Variants in ZBTB44 observed in about 807,000 individuals in gnomAD.
ZBTB44 encodes the protein zinc finger and BTB domain-containing protein 44.
A neutral mutation model predicts 54.0 loss-of-function variants in ZBTB44; 15 were observed. The observed-to-expected ratio is 0.28, with a 90% CI of 0.19 to 0.43. ZBTB44 has a LOEUF of 0.43. ZBTB44 is among the 20% of genes least tolerant of loss of function. ZBTB44 has a pLI of 1.00. For missense variants in ZBTB44, 487 were observed against 707.1 expected (o/e 0.69, Z 3.53); for synonymous variants, 230 against 250.1 (o/e 0.92, Z 0.76).
At chr11:130,303,534 C>A (rs1942094796) in intron 1 of ZBTB44, among the ~76,000 whole-genome samples, 1 of 152,128 alleles carries the variant, frequency 6.6e-6, no homozygotes, top group African/African-American at 2.4e-5. Context: ...ACTCGGGAGG[C>A]TGAGGCAGGA....
At chr11:130,288,293 G>C (rs1481311340) in intron 1 of ZBTB44, among the ~76,000 whole-genome samples, 1 of 151,964 alleles carries the variant, frequency 6.6e-6, no homozygotes, top group Non-Finnish European at 1.5e-5. Flanking sequence ...AGAATCACTT[G>C]AACCCAGGAG....
intron 1 of ZBTB44, among the ~76,000 whole-genome samples, chr11:130,281,901 G>A (rs961330946): frequency 1.1e-4 from 16 of 152,122 alleles, no homozygotes; most frequent in East Asian, 5.8e-4. Flanking sequence ...CACCGCGCCC[G>A]GCCTATTGTT....
At chr11:130,284,729 G>A (rs1330682031) in intron 1 of ZBTB44, among the ~76,000 whole-genome samples, 1 of 152,148 alleles carries the variant, frequency 6.6e-6, no homozygotes, top group Non-Finnish European at 1.5e-5. Flanking sequence ...TAGCCGACGT[G>A]GTGGCACGTG....
At chr11:130,296,964 T>A in intron 1 of ZBTB44, 1 of 747,498 alleles carries the variant, frequency 1.3e-6, no homozygotes, top group Non-Finnish European at 2.5e-6. Context: ...TGGTGGTGGA[T>A]TTGACTACCA....
rs746548553 is a variant in ZBTB44 at position 130,260,841 on chromosome 11, C to G, written c.1018+15G>C. 6 of 1,573,356 alleles carry G rather than the reference C, an allele frequency of 3.8e-6. No individual in the cohort carries two copies. Among genetic ancestry groups the G allele is most frequent in the South Asian group, 1.2e-5 (1 of 84,948 alleles). ...TGACTTTATAGCACCAAGAAAAACA[C>G]AGAAGGCATTATACCTATAGAGGAA... is the stretch of plus-strand genomic sequence containing the variant. On this transcript the variant is annotated intron_variant, in intron 2 of 7. Transcript: ENST00000357899.
In ZBTB44 at chr11:130,314,641, G is replaced by A. The variant is rs1942841748; in HGVS notation, c.-323C>T. ...GGAGGCGGGGAGGGAAGCACCCCCAGCGCTCGGAGGGGCCAGAGGGGAGGA... is the reference window on the plus strand; with the variant it reads ...GGAGGCGGGGAGGGAAGCACCCCCAACGCTCGGAGGGGCCAGAGGGGAGGA... On this transcript the variant is annotated 5_prime_UTR_variant, in exon 1 of 8. Transcript: ENST00000357899. 1 of 151,836 alleles carries A rather than the reference G, an allele frequency of 6.6e-6. No homozygotes were observed. Among genetic ancestry groups the A allele is most frequent in the African/African-American group, 2.4e-5 (1 of 41,310 alleles). 9.4% of individuals were successfully genotyped at this position (151,836 alleles called of 1,614,324 possible).
chr11:130,296,457 TTCTGCAACACAGA>T, intron 1 of ZBTB44: 3 of 1,192,578 alleles, frequency 2.5e-6, no homozygotes, highest in Non-Finnish European at 3.6e-6. Context: ...ATTCTTCCAG[TTCTGCAACACAGA>T]TTTGGGAACA....
intron 1 of ZBTB44, among the ~76,000 whole-genome samples, chr11:130,281,564 T>TA (rs1414195679): frequency 4.0e-5 from 6 of 150,522 alleles, no homozygotes; most frequent in Non-Finnish European, 7.4e-5. Context: ...AATAAATAAA[T>TA]ATTTTAAAAA....
intron 1 of ZBTB44, among the ~76,000 whole-genome samples, chr11:130,281,561 AAAT>A (rs1407588537): frequency 1.3e-5 from 2 of 149,918 alleles, no homozygotes; most frequent in Admixed American, 6.6e-5. Flanking sequence ...ATAAATAAAT[AAAT>A]ATTTTAAAAA....
At chr11:130,253,021 T>G (rs918419752) in intron 2 of ZBTB44, among the ~76,000 whole-genome samples, 1 of 152,194 alleles carries the variant, frequency 6.6e-6, no homozygotes, top group African/African-American at 2.4e-5. Flanking sequence ...CAGCCCTTCA[T>G]GCTAAAAACT....
Position 130,252,651 on chromosome 11 carries a change from G to A in ZBTB44, c.1018+8205C>T, listed in dbSNP as rs1364324002. Among the ~76,000 whole-genome samples, 5 of 152,166 alleles carry A rather than the reference G, an allele frequency of 3.3e-5. 1 individual carries two copies. The highest frequency in any genetic ancestry group is 3.3e-4 in the Admixed American group (5 of 15,270). On this transcript the variant is annotated intron_variant, in intron 2 of 7. Coordinates refer to ENST00000357899, the MANE Select transcript of ZBTB44 (RefSeq NM_001301098.2). ...TCTATCAGAGGTACAAAGAGGAGCT[G>A]GTACCATTCCTTCTGAAACTATTCC... is the stretch of plus-strand genomic sequence containing the variant.
intron 2 of ZBTB44, among the ~76,000 whole-genome samples, chr11:130,243,705 G>A (rs1158575792): frequency 2.0e-5 from 3 of 152,142 alleles, no homozygotes; most frequent in South Asian, 2.1e-4. Flanking sequence ...GAATGGAGCC[G>A]CTAGGTCACT....
intron 1 of ZBTB44, among the ~76,000 whole-genome samples, chr11:130,292,079 T>C (rs979505078): frequency 1.3e-5 from 2 of 152,244 alleles, no homozygotes; most frequent in Non-Finnish European, 2.9e-5. Context: ...GATTCATCCA[T>C]GCTGTTGAGC....
At chr11:130,303,704 A>G (rs1204111039) in intron 1 of ZBTB44, among the ~76,000 whole-genome samples, 1 of 152,224 alleles carries the variant, frequency 6.6e-6, no homozygotes, top group African/African-American at 2.4e-5. Flanking sequence ...TAATACCTGT[A>G]GAAGGATAGC....
At chr11:130,299,247 A>C (rs1447068058) in intron 1 of ZBTB44, among the ~76,000 whole-genome samples, 1 of 152,256 alleles carries the variant, frequency 6.6e-6, no homozygotes, top group Non-Finnish European at 1.5e-5. Flanking sequence ...GAATGCACAG[A>C]GTATGTTCTT....
chr11:130,291,015 T>C (rs549257930), intron 1 of ZBTB44, among the ~76,000 whole-genome samples: 1 of 152,344 alleles, frequency 6.6e-6, no homozygotes, highest in South Asian at 2.1e-4. Context: ...ATATGTATCA[T>C]ACATATTCCC....
At chr11:130,306,708 C>T (rs749806245) in intron 1 of ZBTB44, among the ~76,000 whole-genome samples, 7 of 152,070 alleles carry the variant, frequency 4.6e-5, no homozygotes, top group Non-Finnish European at 1.0e-4. Flanking sequence ...TATATTTACA[C>T]CATGAAAACT....
chr11:130,296,527 C>T, intron 1 of ZBTB44: 1 of 891,328 alleles, frequency 1.1e-6, no homozygotes, highest in Non-Finnish European at 1.8e-6. Flanking sequence ...TTCCTCAAGT[C>T]AACTGGATTG....
intron 1 of ZBTB44, among the ~76,000 whole-genome samples, chr11:130,310,996 T>C (rs369548702): frequency 1.3e-5 from 2 of 152,352 alleles, no homozygotes; most frequent in East Asian, 3.9e-4. Context: ...AACTGAAACC[T>C]ATGAACCATA....
Sources: gnomAD v4.1 joint callset for allele counts (sites outside exome capture counted in the v4.1 genomes callset) on GRCh38, gnomAD v4.1.1 for gene constraint, MANE v1.5 for transcripts, NCBI Gene and HGNC (gene_info 2026-07-23, HGNC 2026-07-21) for gene names.